The following BMP7 variants were observed in gnomAD, a reference collection of about 807,000 sequenced individuals.
BMP7 encodes osteogenic protein 1.
Under a neutral mutation model 41.2 loss-of-function variants are expected in BMP7, and 12 were observed. That is an observed-to-expected ratio of 0.29 (90% CI 0.19 to 0.47). BMP7 has a LOEUF of 0.47. BMP7 is among the 20% of genes least tolerant of loss of function. The pLI, the probability that BMP7 is intolerant of heterozygous loss-of-function variation, is 0.99. For synonymous variants in BMP7, 248 were observed against 250.0 expected (o/e 0.99, Z 0.07); for missense variants, 467 against 606.0 (o/e 0.77, Z 2.41).
chr20:57,220,967 C>G (rs966590440), intron 2 of BMP7, among the ~76,000 whole-genome samples: 3 of 152,186 alleles, frequency 2.0e-5, no homozygotes, highest in Non-Finnish European at 4.4e-5. Context: ...CACACAGGAC[C>G]AGACCATGTG....
At chr20:57,243,312 C>G (rs1310281250) in intron 1 of BMP7, among the ~76,000 whole-genome samples, 1 of 152,030 alleles carries the variant, frequency 6.6e-6, no homozygotes, top group Non-Finnish European at 1.5e-5. Context: ...AACCCTGTCT[C>G]TACTAAAAAT....
intron 3 of BMP7, among the ~76,000 whole-genome samples, chr20:57,184,905 C>T (rs1432832910): frequency 6.6e-6 from 1 of 152,202 alleles, no homozygotes; most frequent in Non-Finnish European, 1.5e-5. Flanking sequence ...GACTTCTCGC[C>T]TCCAGACTGT....
chr20:57,216,456 G>A (rs1242293110), intron 2 of BMP7, among the ~76,000 whole-genome samples: 2 of 152,196 alleles, frequency 1.3e-5, no homozygotes, highest in East Asian at 3.9e-4. Context: ...ACCTCCTGGA[G>A]CAGCTCCAGA....
At chr20:57,253,132 G>C (rs559058195) in intron 1 of BMP7, among the ~76,000 whole-genome samples, 4 of 152,262 alleles carry the variant, frequency 2.6e-5, no homozygotes, top group African/African-American at 9.6e-5. Context: ...AGATAATTAG[G>C]AGCTCAGGGC....
intron 1 of BMP7, among the ~76,000 whole-genome samples, chr20:57,237,179 G>A (rs2066051065): frequency 1.3e-5 from 2 of 152,188 alleles, no homozygotes; most frequent in South Asian, 4.1e-4. Context: ...GCTCCAGTTA[G>A]GGGCCGGGGA....
At chr20:57,222,257 C>T (rs1194755570) in intron 2 of BMP7, among the ~76,000 whole-genome samples, 2 of 151,950 alleles carry the variant, frequency 1.3e-5, no homozygotes, top group African/African-American at 2.4e-5. Flanking sequence ...AAGCCAGGCT[C>T]GGGATGAATT....
chr20:57,227,088 A>G (rs776080147), intron 2 of BMP7, among the ~76,000 whole-genome samples: 8 of 152,102 alleles, frequency 5.3e-5, no homozygotes, highest in Non-Finnish European at 1.2e-4. Context: ...TGGCCTTCCA[A>G]AGTGCTGGGA....
rs1322162373 is a variant in BMP7 at position 57,196,111 on chromosome 20, G to A, written c.760+6364C>T. On this transcript the variant is annotated intron_variant, in intron 3 of 6. Coordinates refer to ENST00000395863, the MANE Select transcript of BMP7 (RefSeq NM_001719.3). ...GATTTCTTCTGCAAACAAGGAAGAGGAGGGAGACACCATGAACCAGGACAA... is the reference window on the plus strand; with the variant it reads ...GATTTCTTCTGCAAACAAGGAAGAGAAGGGAGACACCATGAACCAGGACAA... Among the ~76,000 whole-genome samples, 3 of 152,174 alleles carry A rather than the reference G, an allele frequency of 2.0e-5. No homozygotes were observed. In the East Asian group the frequency reaches 5.8e-4, roughly 29 times the overall value.
At chr20:57,222,508 C>A (rs80231179) in intron 2 of BMP7, among the ~76,000 whole-genome samples, 4,596 of 152,028 alleles carry the variant, frequency 0.03, 220 homozygotes, top group African/African-American at 0.098. Context: ...GAACCAAAGG[C>A]ATTAAGGGCC....
chr20:57,226,980 C>T (rs2066009748), intron 2 of BMP7, among the ~76,000 whole-genome samples: 2 of 152,094 alleles, frequency 1.3e-5, no homozygotes, highest in African/African-American at 4.8e-5. Flanking sequence ...GCGCCCGCCA[C>T]CATGCCTGGC....
At chr20:57,236,071 C>T (rs1357369163) in intron 1 of BMP7, among the ~76,000 whole-genome samples, 1 of 152,182 alleles carries the variant, frequency 6.6e-6, no homozygotes, top group Non-Finnish European at 1.5e-5. Context: ...ACAATGGCAA[C>T]ACTCCTTTCT....
intron 3 of BMP7, among the ~76,000 whole-genome samples, chr20:57,199,199 CA>C (rs1358891363): frequency 1.3e-5 from 2 of 152,164 alleles, no homozygotes; most frequent in Non-Finnish European, 2.9e-5. Flanking sequence ...CCGCCTCCCA[CA>C]GGCCCTGCTG....
chr20:57,224,026 C>T lies in BMP7; in HGVS notation c.611+4203G>A, dbSNP rs1446011762. Among the ~76,000 whole-genome samples the T allele has an allele frequency of 6.6e-6, 1 of 152,204 alleles. No individual in the cohort carries two copies. ...GGTTTATGGACCAAAATCATCACGG[C>T]GTCCCCAGGGAGCTTCTCAGAAAGG... On this transcript the variant is annotated intron_variant, in intron 2 of 6. Coordinates refer to ENST00000395863, the MANE Select transcript of BMP7 (RefSeq NM_001719.3). This position sits in a 1 kb window ranked among gnomAD's most constrained non-coding sequence, Gnocchi z 4.8.
At chr20:57,238,757 G>C (rs1298866166) in intron 1 of BMP7, among the ~76,000 whole-genome samples, 1 of 151,990 alleles carries the variant, frequency 6.6e-6, no homozygotes, top group East Asian at 1.9e-4. Flanking sequence ...GGAGGCCTCA[G>C]AATCATGGCG....
chr20:57,212,756 A>C (rs186505874), intron 2 of BMP7, among the ~76,000 whole-genome samples: 2 of 152,162 alleles, frequency 1.3e-5, no homozygotes, highest in African/African-American at 4.8e-5. Context: ...CCCAGCCTGC[A>C]GGGAAGCCCG....
At chr20:57,218,169 A>C (rs548112565) in intron 2 of BMP7, among the ~76,000 whole-genome samples, 36 of 152,274 alleles carry the variant, frequency 2.4e-4, no homozygotes, top group African/African-American at 8.4e-4. Context: ...TCCTTTATAC[A>C]TTTTTGACAC....
In BMP7 at chr20:57,236,299, C is replaced by A. The variant is rs571554341; in HGVS notation, c.419-7878G>T. Reference sequence around the variant, plus strand: ...CTGGAATGCCAGGAGGGCGATAACACCATCAGTAGATATCAACACAGGAGA... The same window carrying A: ...CTGGAATGCCAGGAGGGCGATAACAACATCAGTAGATATCAACACAGGAGA... On this transcript the variant is annotated intron_variant, in intron 1 of 6. Transcript: ENST00000395863. 2.2e-3 allele frequency among the ~76,000 whole-genome samples: 342 copies of A among 152,280 alleles called. 1 individual carries two copies. Among genetic ancestry groups the A allele is most frequent in the Non-Finnish European group, 4.1e-3 (277 of 68,028 alleles).
At chr20:57,221,540 C>T (rs1382753437) in intron 2 of BMP7, among the ~76,000 whole-genome samples, 1 of 152,108 alleles carries the variant, frequency 6.6e-6, no homozygotes, top group Non-Finnish European at 1.5e-5. Flanking sequence ...GGAGCAGGCA[C>T]GGTGGTTCAT....
rs920150598 is a variant in BMP7, at chr20:57,170,284, G to A, written c.*675C>T. ...AGATCAACACACCGCCCTCCTCGGAGCAGACATTTGCTCTTTCCCCTCCCA... is the reference window on the plus strand; with the variant it reads ...AGATCAACACACCGCCCTCCTCGGAACAGACATTTGCTCTTTCCCCTCCCA... On this transcript the variant is annotated 3_prime_UTR_variant, in exon 7 of 7. Coordinates refer to ENST00000395863, the MANE Select transcript of BMP7 (RefSeq NM_001719.3). 1 of 158,326 alleles carries A rather than the reference G, an allele frequency of 6.3e-6. No individual in the cohort carries two copies. The highest frequency in any genetic ancestry group is 2.4e-5 in the African/African-American group (1 of 41,424). The allele number at this position is 158,326 out of a possible 1,614,324, so 9.8% of individuals were successfully genotyped here.
Sources: gnomAD v4.1 joint callset for allele counts (sites outside exome capture counted in the v4.1 genomes callset) on GRCh38, gnomAD v4.1.1 for gene constraint, Gnocchi (gnomAD v3.1) non-coding constraint, MANE v1.5 for transcripts, NCBI Gene and HGNC (gene_info 2026-07-23, HGNC 2026-07-21) for gene names.